The following CEP152 variants were observed in gnomAD, a reference collection of about 807,000 sequenced individuals.
The protein encoded by CEP152 is centrosomal protein of 152 kDa.
In CEP152, 132 loss-of-function variants were observed where a neutral mutation model predicts 188.9. That is an observed-to-expected ratio of 0.70 (90% CI 0.61 to 0.81). CEP152 has a LOEUF of 0.81. Among genes scored for constraint, CEP152 ranks in the 30% least tolerant of loss-of-function variants. The probability of loss-of-function intolerance (pLI) is 0.00; values close to 1 mark genes in which losing one functional copy is unlikely to be tolerated. For missense variants in CEP152, 1,914 were observed against 1,969.8 expected, an observed-to-expected ratio of 0.97 and a Z score of 0.54; for synonymous variants, 649 against 666.6, an observed-to-expected ratio of 0.97 and a Z score of 0.41.
chr15:48,762,497 G>A lies in CEP152; in HGVS notation c.2456C>T (p.Thr819Ile), dbSNP rs1463866832. 1.2e-6 allele frequency: 2 copies of A among 1,614,010 alleles called. No individual in the cohort carries two copies. Among genetic ancestry groups the A allele is most frequent in the African/African-American group, 2.7e-5 (2 of 75,020 alleles). ...CTCTTGTTCTAAGTTTTGCTGGATT[G>A]TGCACTTCTGCTCTTCTATCATAAT... ...MAIMIEEQKC[T>I]IQQNLEQEKD... Residue 819 changes from threonine to isoleucine, a missense_variant, in exon 18 of 27, where the codon ACA (threonine) becomes ATA (isoleucine). Thr to Ile is a moderately conservative substitution (Grantham distance 89). Coordinates refer to ENST00000380950, the MANE Select transcript of CEP152 (RefSeq NM_001194998.2).
intron 12 of CEP152, among the ~76,000 whole-genome samples, chr15:48,774,770 A>G (rs1321259007): frequency 6.6e-6 from 1 of 152,212 alleles, no homozygotes; most frequent in Non-Finnish European, 1.5e-5. Context: ...TTGACATGCA[A>G]CTAACCAGAA....
At chr15:48,798,127 T>C (rs1287219522) in intron 2 of CEP152, 76 bp from the exon 3 acceptor site, 1 of 1,202,680 alleles carries the variant, frequency 8.3e-7, no homozygotes, top group Non-Finnish European at 1.2e-6. Context: ...TTGGAACGAG[T>C]GGTTTTTTAC....
intron 17 of CEP152, 108 bp downstream of exon 17, chr15:48,766,952 T>TGAATGGA: frequency 1.4e-6 from 2 of 1,424,582 alleles, no homozygotes; most frequent in Non-Finnish European, 2.0e-6. Context: ...AGAGAACATA[T>TGAATGGA]GAATACCTTC....
At chr15:48,760,077 T>C in intron 19 of CEP152, 58 bp downstream of exon 19, 1 of 1,611,172 alleles carries the variant, frequency 6.2e-7, no homozygotes, top group Non-Finnish European at 8.5e-7. Flanking sequence ...AGGACTGAGA[T>C]AAGAGAAGGG....
At chr15:48,790,898 C>CA (rs772576215) in intron 8 of CEP152, among the ~76,000 whole-genome samples, 4 of 152,124 alleles carry the variant, frequency 2.6e-5, no homozygotes, top group African/African-American at 9.7e-5. Flanking sequence ...TGCCCCCTGC[C>CA]AAAAAATGAA....
chr15:48,781,441 A>C, intron 11 of CEP152, 82 bp from the exon 12 acceptor site: 2 of 1,186,648 alleles, frequency 1.7e-6, no homozygotes, highest in Non-Finnish European at 2.4e-6. Context: ...AATTTGTTTT[A>C]ATGATCAACA....
rs1230017788 is a variant in CEP152, at chr15:48,782,217, C to T, written c.1335G>A (p.Glu445=). 8 of 1,613,832 alleles carry T rather than the reference C, an allele frequency of 5.0e-6. No individual in the cohort carries two copies. The highest frequency in any genetic ancestry group is 3.3e-5 in the Admixed American group (2 of 60,018). The change falls in exon 11 of 27, where the codon GAG becomes GAA. Residue 445 remains glutamate, a synonymous_variant. Coordinates refer to ENST00000380950, the MANE Select transcript of CEP152 (RefSeq NM_001194998.2). ...GCAGCTGGAACTGTAGCTGAGCCAC[C>T]TCTTGTACTGACCCTGCAGAGGAAA... ...AHLLQSGSVQ[E]VAQLQFQLQQ...
At chr15:48,730,380 G>C (rs927687946) in intron 2 of CEP152, among the ~76,000 whole-genome samples, 1 of 152,156 alleles carries the variant, frequency 6.6e-6, no homozygotes, top group African/African-American at 2.4e-5. Flanking sequence ...GGCAAGAGAT[G>C]GGCAGACTAA....
At chr15:48,787,168 T>TTTTTTTTTG (rs1896707170) in intron 9 of CEP152, among the ~76,000 whole-genome samples, 2 of 139,834 alleles carry the variant, frequency 1.4e-5, no homozygotes, top group Non-Finnish European at 3.1e-5. Flanking sequence ...CCTTCGTTTT[T>TTTTTTTTTG]TTTTTTTTTT....
intron 12 of CEP152, among the ~76,000 whole-genome samples, chr15:48,776,530 A>T (rs751168429): frequency 2.0e-4 from 31 of 152,138 alleles, no homozygotes; most frequent in Admixed American, 3.9e-4. Flanking sequence ...GTAATCAAAG[A>T]TGTGAATAAA....
chr15:48,805,952 CAAT>C (rs1897961130), intron 1 of CEP152, among the ~76,000 whole-genome samples: 1 of 151,938 alleles, frequency 6.6e-6, no homozygotes, highest in African/African-American at 2.4e-5. Context: ...AATAAGATGA[CAAT>C]AATAATAAAC....
Position 48,797,562 on chromosome 15 carries a change from C to G in CEP152, c.279G>C (p.Gln93His). 2 of 1,614,060 alleles carry G rather than the reference C, an allele frequency of 1.2e-6. No individual in the cohort carries two copies. The highest frequency in any genetic ancestry group is 3.3e-5 in the Admixed American group (2 of 59,988). The change falls in exon 5 of 27, where the codon CAG becomes CAC. Residue 93 changes from glutamine to histidine, a missense_variant. Physicochemically the swap from Gln to His is conservative, Grantham distance 24. Transcript: ENST00000380950. ...SQSVNGYNEI[Q>H]SLYAGEKCGN... is the part of the protein sequence containing the mutation. ...CACATTTTTCTCCAGCATATAAACT[C>G]TGAATTTCATTATAGCCCTATTAGA...
intron 17 of CEP152, among the ~76,000 whole-genome samples, 172 bp downstream of exon 17, chr15:48,766,888 G>A (rs1895151537): frequency 6.6e-6 from 1 of 151,064 alleles, no homozygotes; most frequent in Non-Finnish European, 1.5e-5. Flanking sequence ...AATCATTTCA[G>A]TAATTACTGT....
chr15:48,800,988 T>A (rs1442911445), intron 2 of CEP152, among the ~76,000 whole-genome samples: 1 of 152,202 alleles, frequency 6.6e-6, no homozygotes, highest in East Asian at 1.9e-4. Context: ...TTTGTTAGGA[T>A]TTTCAACTTA....
chr15:48,766,284 C>A (rs1375071456), intron 17 of CEP152, among the ~76,000 whole-genome samples: 1 of 152,194 alleles, frequency 6.6e-6, no homozygotes, highest in East Asian at 1.9e-4. Context: ...CTGTATAGAA[C>A]ATTTATTTAA....
At chr15:48,794,862 G>T (rs1378317139) in intron 6 of CEP152, among the ~76,000 whole-genome samples, 1 of 152,182 alleles carries the variant, frequency 6.6e-6, no homozygotes, top group Admixed American at 6.5e-5. Context: ...CATATTTGCT[G>T]TTGACTCCTT....
Position 48,741,998 on chromosome 15 carries a change from T to C in CEP152, c.3938A>G (p.Lys1313Arg), listed in dbSNP as rs1477233457. 2.5e-6 allele frequency: 4 copies of C among 1,614,154 alleles called. No homozygotes were observed. Among genetic ancestry groups the C allele is most frequent in the Non-Finnish European group, 3.4e-6 (4 of 1,180,018 alleles). The change falls in exon 25 of 27, where the codon AAA becomes AGA. Residue 1313 changes from lysine to arginine, a missense_variant. Physicochemically the swap from Lys to Arg is conservative, Grantham distance 26. Transcript: ENST00000380950. ...ERQETARKMR[K>R]YYLICLQQIL... ...CTGTTGGAGGCAAATCAAATAATAT[T>C]TGCGCATCTTTCGGGCGGTTTCTTG... is the stretch of plus-strand genomic sequence containing the variant.
intron 9 of CEP152, among the ~76,000 whole-genome samples, chr15:48,785,823 C>T (rs1896586234): frequency 6.7e-6 from 1 of 150,138 alleles, no homozygotes; most frequent in South Asian, 2.1e-4. Flanking sequence ...TATGGGCAGA[C>T]ATTTTTCAAG....
At chr15:48,789,143 A>G in intron 8 of CEP152, 142 bp from the exon 9 acceptor site, 1 of 771,236 alleles carries the variant, frequency 1.3e-6, no homozygotes, top group Non-Finnish European at 2.2e-6. Flanking sequence ...TCCGCTCATC[A>G]TGGCTCAAGC....
Sources: gnomAD v4.1 joint callset for allele counts (sites outside exome capture counted in the v4.1 genomes callset) on GRCh38, gnomAD v4.1.1 for gene constraint, MANE v1.5 for transcripts, NCBI Gene and HGNC (gene_info 2026-07-23, HGNC 2026-07-21) for gene names.